NR5A2: variants seen among roughly 807,000 people sequenced by gnomAD.
NR5A2 encodes nuclear receptor subfamily 5 group A member 2, also known as CYP7A promoter-binding factor.
In NR5A2, 26 loss-of-function variants were observed where a neutral mutation model predicts 62.7. The observed-to-expected ratio is 0.41, with a 90% CI of 0.30 to 0.58. The LOEUF is 0.58. NR5A2 is among the 20% of genes least tolerant of loss of function. The pLI, the probability that NR5A2 is intolerant of heterozygous loss-of-function variation, is 0.22. For synonymous variants in NR5A2, 246 were observed against 241.7 expected (o/e 1.02, Z -0.16); for missense variants, 541 against 669.1 (o/e 0.81, Z 2.11).
intron 6 of NR5A2, among the ~76,000 whole-genome samples, chr1:200,113,544 G>C (rs185571074): frequency 2.6e-5 from 4 of 152,288 alleles, no homozygotes; most frequent in Admixed American, 2.0e-4. Flanking sequence ...GAATGAGACA[G>C]ATATCTTAAA....
chr1:200,097,383 C>A (rs913384791), intron 5 of NR5A2, among the ~76,000 whole-genome samples: 4 of 152,176 alleles, frequency 2.6e-5, no homozygotes, highest in Non-Finnish European at 5.9e-5. Context: ...AAAAGAACTC[C>A]CTTCGTCACT....
chr1:200,156,962 C>T (rs1401989461), intron 7 of NR5A2, among the ~76,000 whole-genome samples: 1 of 152,152 alleles, frequency 6.6e-6, no homozygotes, highest in Non-Finnish European at 1.5e-5. Context: ...TTGCCGACAT[C>T]TTAACAGAGC....
intron 5 of NR5A2, among the ~76,000 whole-genome samples, chr1:200,109,947 TA>T (rs1558144693): frequency 6.6e-6 from 1 of 152,150 alleles, no homozygotes. Flanking sequence ...GTATTTTTAG[TA>T]GAGACAGGGT....
chr1:200,112,296 G>A (rs1201414591), intron 6 of NR5A2, among the ~76,000 whole-genome samples: 1 of 152,158 alleles, frequency 6.6e-6, no homozygotes, highest in Non-Finnish European at 1.5e-5. Context: ...AACTTTACAG[G>A]AATTTAGGCA....
intron 6 of NR5A2, among the ~76,000 whole-genome samples, chr1:200,112,753 T>C (rs1666015591): frequency 6.6e-6 from 1 of 152,216 alleles, no homozygotes; most frequent in Non-Finnish European, 1.5e-5. Flanking sequence ...GGCATTTTCA[T>C]TCTGGGACCC....
intron 5 of NR5A2, among the ~76,000 whole-genome samples, chr1:200,108,518 T>A (rs1665798244): frequency 6.6e-6 from 1 of 152,208 alleles, no homozygotes; most frequent in South Asian, 2.1e-4. Context: ...TGGAATCCTT[T>A]TTAGGTGTCC....
rs371764456 is a variant in NR5A2 at position 200,118,173 on chromosome 1, C to T, written c.1231-2635C>T. On this transcript the variant is annotated intron_variant, in intron 6 of 7. Coordinates refer to ENST00000367362, the MANE Select transcript of NR5A2 (RefSeq NM_205860.3). Reference sequence around the variant, plus strand: ...CTGGGATTACAGGCATGTACCACCACGCCCAGCTAATTTCTGTATTTTTAG... The same window carrying T: ...CTGGGATTACAGGCATGTACCACCATGCCCAGCTAATTTCTGTATTTTTAG... Among the ~76,000 whole-genome samples the T allele has an allele frequency of 1.8e-3, 268 of 151,094 alleles. 1 individual carries two copies. The highest frequency in any genetic ancestry group is 6.1e-3 in the African/African-American group (249 of 41,048).
At chr1:200,084,653 T>C (rs1050971862) in intron 5 of NR5A2, among the ~76,000 whole-genome samples, 2 of 152,170 alleles carry the variant, frequency 1.3e-5, no homozygotes, top group East Asian at 1.9e-4. Flanking sequence ...GTAAATCTCA[T>C]AGATCTGCCA....
intron 1 of NR5A2, among the ~76,000 whole-genome samples, chr1:200,033,613 C>T (rs146529275): frequency 6.6e-6 from 1 of 152,322 alleles, no homozygotes; most frequent in African/African-American, 2.4e-5. Context: ...GAATCCACTG[C>T]TGGGTCCTGG....
chr1:200,122,277 C>T (rs1468746956), intron 7 of NR5A2, among the ~76,000 whole-genome samples: 1 of 152,144 alleles, frequency 6.6e-6, no homozygotes, highest in African/African-American at 2.4e-5. Flanking sequence ...CATACGCCTG[C>T]TTGCTGTAAT....
chr1:200,079,509 C>T lies in NR5A2; in HGVS notation c.1110+30691C>T, dbSNP rs998656510. ...AATGGCCCTGGAGCGATTCCACAAG[C>T]CTCTCAGGCTTGATATATGGGCCTG... On this transcript the variant is annotated intron_variant, in intron 5 of 7. Coordinates refer to ENST00000367362, the MANE Select transcript of NR5A2 (RefSeq NM_205860.3). 2.6e-5 allele frequency among the ~76,000 whole-genome samples: 4 copies of T among 152,350 alleles called. No individual in the cohort carries two copies. The South Asian group carries it at 6.2e-4, about 24-fold the overall frequency.
chr1:200,089,540 G>A (rs771110851), intron 5 of NR5A2, among the ~76,000 whole-genome samples: 4 of 152,074 alleles, frequency 2.6e-5, no homozygotes, highest in Non-Finnish European at 4.4e-5. Context: ...GCACCACCTC[G>A]GCTCACTGCA....
intron 1 of NR5A2, among the ~76,000 whole-genome samples, chr1:200,030,878 G>A (rs960932192): frequency 6.6e-6 from 1 of 152,188 alleles, no homozygotes; most frequent in African/African-American, 2.4e-5. Flanking sequence ...TGTGAGTCTT[G>A]CTATCTGGTC....
intron 5 of NR5A2, among the ~76,000 whole-genome samples, chr1:200,077,884 T>C (rs1232890458): frequency 1.3e-5 from 2 of 152,156 alleles, no homozygotes; most frequent in African/African-American, 4.8e-5. Context: ...TGACTTCTGT[T>C]CTCTAGCAGT....
intron 7 of NR5A2, among the ~76,000 whole-genome samples, chr1:200,151,773 G>T (rs1227537796): frequency 6.6e-6 from 1 of 152,190 alleles, no homozygotes; most frequent in Non-Finnish European, 1.5e-5. Flanking sequence ...GTCTTCTTAA[G>T]GTCATCAGGA....
chr1:200,126,460 A>G (rs1279357960), intron 7 of NR5A2, among the ~76,000 whole-genome samples: 4 of 152,162 alleles, frequency 2.6e-5, no homozygotes, highest in Non-Finnish European at 5.9e-5. Context: ...TAGGCTTTTA[A>G]TAAATATTGC....
chr1:200,087,671 A>G (rs1426898453), intron 5 of NR5A2, among the ~76,000 whole-genome samples: 3 of 152,170 alleles, frequency 2.0e-5, no homozygotes, highest in Non-Finnish European at 4.4e-5. Context: ...CTGGGATTAC[A>G]GGAGTGAGCC....
chr1:200,138,914 A>G (rs1377631561), intron 7 of NR5A2, among the ~76,000 whole-genome samples: 1 of 152,104 alleles, frequency 6.6e-6, no homozygotes, highest in African/African-American at 2.4e-5. Flanking sequence ...CATGAATTTT[A>G]GGTTTGGCTT....
At chr1:200,062,237 G>A (rs1008562883) in intron 5 of NR5A2, among the ~76,000 whole-genome samples, 2 of 151,552 alleles carry the variant, frequency 1.3e-5, no homozygotes, top group African/African-American at 4.9e-5. Context: ...TTGTGTGTGT[G>A]TGTGTGTGTG....
Sources: allele counts gnomAD v4.1 joint callset (sites outside exome capture counted in the v4.1 genomes callset), GRCh38; gene constraint gnomAD v4.1.1; transcripts MANE v1.5; gene names NCBI Gene and HGNC (gene_info 2026-07-23, HGNC 2026-07-21).